CDH23: variants seen among roughly 807,000 people sequenced by gnomAD.
CDH23 encodes the protein cadherin-23.
In CDH23, 189 loss-of-function variants were observed where a neutral mutation model predicts 317.1. The observed-to-expected ratio is 0.60, with a 90% CI of 0.53 to 0.67. The LOEUF (loss-of-function observed/expected upper bound fraction) is 0.67, where lower values mean the gene tolerates loss of function less well. CDH23 is among the 30% of genes least tolerant of loss of function. The probability of loss-of-function intolerance (pLI) is 0.00; values close to 1 mark genes in which losing one functional copy is unlikely to be tolerated. For missense variants in CDH23, 4,401 were observed against 4,592.4 expected (o/e 0.96, Z 1.20); for synonymous variants, 1,839 against 1,876.8 (o/e 0.98, Z 0.52).
intron 6 of CDH23, among the ~76,000 whole-genome samples, chr10:71,557,426 G>T (rs1252827594): frequency 6.6e-6 from 1 of 152,196 alleles, no homozygotes; most frequent in African/African-American, 2.4e-5. Flanking sequence ...TGGTGTTCTG[G>T]AGGCTTGATG....
chr10:71,514,521 G>A (rs1485559136), intron 6 of CDH23, among the ~76,000 whole-genome samples: 2 of 152,032 alleles, frequency 1.3e-5, no homozygotes, highest in African/African-American at 2.4e-5. Flanking sequence ...GCATTGCCCC[G>A]CTGCCTGCCT....
chr10:71,727,806 C>T (rs1866884112), intron 30 of CDH23, among the ~76,000 whole-genome samples: 2 of 152,216 alleles, frequency 1.3e-5, no homozygotes, highest in South Asian at 4.1e-4. Context: ...GGACAGAAAG[C>T]AGGTCTGGTT....
intron 6 of CDH23, among the ~76,000 whole-genome samples, chr10:71,522,915 G>A (rs1022536141): frequency 6.6e-6 from 1 of 152,166 alleles, no homozygotes; most frequent in Non-Finnish European, 1.5e-5. Context: ...TTGTCTTCAT[G>A]TTAGAGCTGG....
At chr10:71,741,986 G>C in intron 38 of CDH23, 65 bp downstream of exon 38, 1 of 1,303,028 alleles carries the variant, frequency 7.7e-7, no homozygotes, top group Non-Finnish European at 1.1e-6. Context: ...TCCGAGTGAG[G>C]GGAACAAGAT....
At chr10:71,431,762 A>C (rs1180772473) in intron 1 of CDH23, among the ~76,000 whole-genome samples, 2 of 151,556 alleles carry the variant, frequency 1.3e-5, no homozygotes. Context: ...CTATTCTCTC[A>C]TGTCCCCCCC....
intron 6 of CDH23, among the ~76,000 whole-genome samples, chr10:71,550,851 G>A (rs916338292): frequency 6.6e-6 from 1 of 152,176 alleles, no homozygotes; most frequent in African/African-American, 2.4e-5. Flanking sequence ...AAAGAGGAGT[G>A]TCCTGGGGTG....
rs1861145863 is a variant in CDH23 at position 71,615,699 on chromosome 10, C to T, written c.945+83C>T. The T allele has an allele frequency of 7.3e-6, 7 of 963,764 alleles. No homozygotes were observed. In the East Asian group the frequency reaches 1.8e-4, roughly 25 times the overall value. The allele number at this position is 963,764 out of a possible 1,614,324, so 59.7% of individuals were successfully genotyped here. ...CAACCTCCAGCAGTGTCCGAGGGCTCCTGCCCCCGGTGGTGGCGCCGGAAG... is the reference window on the plus strand; with the variant it reads ...CAACCTCCAGCAGTGTCCGAGGGCTTCTGCCCCCGGTGGTGGCGCCGGAAG... On this transcript the variant is annotated intron_variant, in intron 10 of 69. Transcript: ENST00000224721.
intron 3 of CDH23, among the ~76,000 whole-genome samples, chr10:71,461,479 C>G (rs566761212): frequency 6.6e-6 from 1 of 152,256 alleles, no homozygotes; most frequent in African/African-American, 2.4e-5. Context: ...GGGAGACACA[C>G]AGGGACAGCA....
At position 71,738,067 on chromosome 10, in the gene CDH23, T is replaced by C. The variant is rs184096906; in HGVS notation, c.4210-431T>C. On this transcript the variant is annotated intron_variant, in intron 34 of 69. Transcript: ENST00000224721. ...TTTGGACAGCCCACACATAATATTC[T>C]TCTCTAAATTTTATTACTCATCAGC... 7.9e-5 allele frequency among the ~76,000 whole-genome samples: 12 copies of C among 152,342 alleles called. No individual in the cohort carries two copies. The East Asian group carries it at 1.2e-3, about 15-fold the overall frequency.
chr10:71,743,332 C>T lies in CDH23; in HGVS notation c.4845+1411C>T, dbSNP rs78785649. Among the ~76,000 whole-genome samples, 816 of 152,310 alleles carry T rather than the reference C, an allele frequency of 5.4e-3. 12 individuals carry two copies. The highest frequency in any genetic ancestry group is 0.019 in the African/African-American group (778 of 41,552). ...GTCCCTCTCATAGCAGGTTAGACCT[C>T]TCCCCTTTGACAGCAGCACTGTGGG... On this transcript the variant is annotated intron_variant, in intron 38 of 69. Coordinates refer to ENST00000224721, the MANE Select transcript of CDH23 (RefSeq NM_022124.6).
At chr10:71,628,878 G>A (rs1861874486) in intron 11 of CDH23, among the ~76,000 whole-genome samples, 1 of 152,178 alleles carries the variant, frequency 6.6e-6, no homozygotes, top group South Asian at 2.1e-4. Flanking sequence ...TCCCCTCCCT[G>A]GTTCTGACTA....
intron 8 of CDH23, 74 bp from the exon 9 acceptor site, chr10:71,577,840 G>T: frequency 7.8e-7 from 1 of 1,287,572 alleles, no homozygotes. Flanking sequence ...GGGAAGCTGT[G>T]GGTGCCATGA....
intron 69 of CDH23, 46 bp from the exon 70 acceptor site, chr10:71,814,906 C>G (rs754923322): frequency 1.3e-6 from 2 of 1,549,508 alleles, no homozygotes; most frequent in South Asian, 2.4e-5. Flanking sequence ...ACCTGCTCAC[C>G]CCTTGGGCAT....
chr10:71,752,092 C>G (rs1289711343), intron 38 of CDH23: 7 of 682,946 alleles, frequency 1.0e-5, no homozygotes, highest in African/African-American at 5.3e-5. Context: ...GAACAGACCC[C>G]AGCTCCTCCC....
chr10:71,601,561 A>G (rs967724460), intron 9 of CDH23, among the ~76,000 whole-genome samples: 1 of 152,210 alleles, frequency 6.6e-6, no homozygotes, highest in South Asian at 2.1e-4. Flanking sequence ...CAAAAAGATC[A>G]GATCTCCCAT....
At chr10:71,709,305 T>C in intron 27 of CDH23, 94 bp downstream of exon 27, 1 of 1,093,128 alleles carries the variant, frequency 9.1e-7, no homozygotes. Context: ...AAGGCTGAAC[T>C]CTGCCCAGAT....
rs116139443 is a variant in CDH23, at chr10:71,787,648, T to G, written c.5821-1292T>G. On this transcript the variant is annotated intron_variant, in intron 44 of 69. Transcript: ENST00000224721. ...AAGTGAAAATATGCAATATTTGACTTTCTATTTCTGAGTCATTTCACTTAG... is the reference window on the plus strand; with the variant it reads ...AAGTGAAAATATGCAATATTTGACTGTCTATTTCTGAGTCATTTCACTTAG... Among the ~76,000 whole-genome samples the G allele has an allele frequency of 8.0e-4, 122 of 152,338 alleles. 1 individual carries two copies. The highest frequency in any genetic ancestry group is 2.8e-3 in the African/African-American group (117 of 41,576).
At chr10:71,621,088 C>T (rs1861445527) in intron 11 of CDH23, among the ~76,000 whole-genome samples, 1 of 152,182 alleles carries the variant, frequency 6.6e-6, no homozygotes, top group South Asian at 2.1e-4. Context: ...TTAAACATTG[C>T]CTGAGTGTCC....
At chr10:71,577,540 G>C (rs988611536) in intron 8 of CDH23, among the ~76,000 whole-genome samples, 16 of 152,130 alleles carry the variant, frequency 1.1e-4, no homozygotes, top group Admixed American at 9.8e-4. Flanking sequence ...TGAGGCCAGA[G>C]AGGTGCAGCA....
Sources: allele counts gnomAD v4.1 joint callset (sites outside exome capture counted in the v4.1 genomes callset), GRCh38; gene constraint gnomAD v4.1.1; transcripts MANE v1.5; gene names NCBI Gene and HGNC (gene_info 2026-07-23, HGNC 2026-07-21).